WDSUB1: variants seen among roughly 807,000 people sequenced by gnomAD.
WDSUB1 encodes WD repeat, SAM and U-box domain-containing protein 1.
In WDSUB1, 49 loss-of-function variants were observed where a neutral mutation model predicts 53.9. The observed-to-expected ratio is 0.91, with a 90% CI of 0.72 to 1.15. WDSUB1 has a LOEUF of 1.15. WDSUB1 is among the 50% of genes most tolerant of loss of function. The pLI is 0.00. For missense variants in WDSUB1, 514 were observed against 562.0 expected (o/e 0.91, Z 0.86); for synonymous variants, 194 against 200.6 (o/e 0.97, Z 0.28).
chr2:159,263,207 CA>C (rs111407621), intron 5 of WDSUB1, among the ~76,000 whole-genome samples: 5 of 152,236 alleles, frequency 3.3e-5, no homozygotes, highest in African/African-American at 1.2e-4. Flanking sequence ...GTACAATGGC[CA>C]AAAAACTAAT....
chr2:159,272,427 T>A (rs748764986), intron 4 of WDSUB1, among the ~76,000 whole-genome samples: 5 of 152,196 alleles, frequency 3.3e-5, no homozygotes, highest in Non-Finnish European at 7.3e-5. Flanking sequence ...TCCAGAGAGC[T>A]GCACATTGTC....
chr2:159,266,769 G>GT (rs1307772516), intron 5 of WDSUB1, among the ~76,000 whole-genome samples: 3 of 151,892 alleles, frequency 2.0e-5, no homozygotes, highest in Non-Finnish European at 2.9e-5. Context: ...GTTCTCAGGG[G>GT]TTTTTTTGTT....
At chr2:159,271,539 G>C (rs2061443498) in intron 5 of WDSUB1, among the ~76,000 whole-genome samples, 163 bp downstream of exon 5, 1 of 152,112 alleles carries the variant, frequency 6.6e-6, no homozygotes, top group African/African-American at 2.4e-5. Flanking sequence ...ACCAAAAAGG[G>C]GCACTTGCAA....
Position 159,279,887 on chromosome 2 carries a change from A to T in WDSUB1, c.457T>A (p.Phe153Ile). 1 of 1,612,782 alleles carries T rather than the reference A, an allele frequency of 6.2e-7. No individual in the cohort carries two copies. The highest frequency in any genetic ancestry group is 8.5e-7 in the Non-Finnish European group (1 of 1,179,022). Reference protein sequence around the residue: ...AACAFSPNGSFFVTGSSCGDL... With the variant: ...AACAFSPNGSIFVTGSSCGDL... ...CCACATGAGGAGCCAGTGACAAAGA[A>T]GCTTCCATTAGGAGAAAATGCACAT... Residue 153 changes from phenylalanine to isoleucine, a missense_variant, in exon 3 of 11, where the codon TTC becomes ATC. Physicochemically the swap from Phe to Ile is conservative, Grantham distance 21 (BLOSUM62 0). Transcript: ENST00000359774.
chr2:159,249,946 G>C (rs2060910179), intron 9 of WDSUB1, among the ~76,000 whole-genome samples: 1 of 151,386 alleles, frequency 6.6e-6, no homozygotes, highest in South Asian at 2.1e-4. Context: ...AAAAATAGCT[G>C]GATGTGTTGG....
At chr2:159,281,698 G>A (rs577502734) in intron 2 of WDSUB1, among the ~76,000 whole-genome samples, 1 of 152,146 alleles carries the variant, frequency 6.6e-6, no homozygotes, top group African/African-American at 2.4e-5. Context: ...TGGGCCGGGC[G>A]CAGTGGCTCA....
At chr2:159,285,344 G>A (rs1470120069) in intron 1 of WDSUB1, among the ~76,000 whole-genome samples, 1 of 152,078 alleles carries the variant, frequency 6.6e-6, no homozygotes, top group African/African-American at 2.4e-5. Flanking sequence ...GAAAGGGGCA[G>A]GTATAACCTT....
chr2:159,247,491 A>G (rs1373262289), intron 10 of WDSUB1, among the ~76,000 whole-genome samples: 1 of 152,214 alleles, frequency 6.6e-6, no homozygotes, highest in Non-Finnish European at 1.5e-5. Context: ...CAATGATCAC[A>G]AAACTGGAAA....
At chr2:159,267,177 C>A (rs78606927) in intron 5 of WDSUB1, among the ~76,000 whole-genome samples, 6,118 of 152,222 alleles carry the variant, frequency 0.04, 390 homozygotes, top group African/African-American at 0.14. Context: ...GAATTTCCTG[C>A]CTCCTGGAAT....
At chr2:159,264,096 T>C (rs1422612427) in intron 5 of WDSUB1, among the ~76,000 whole-genome samples, 2 of 152,222 alleles carry the variant, frequency 1.3e-5, no homozygotes, top group Admixed American at 6.5e-5. Flanking sequence ...TTTAATATTA[T>C]GCTTGCTAAA....
chr2:159,273,305 TACA>T (rs146295315), intron 4 of WDSUB1, among the ~76,000 whole-genome samples: 1,558 of 152,264 alleles, frequency 0.01, 34 homozygotes, highest in African/African-American at 0.036. Flanking sequence ...AAAACTTCAA[TACA>T]ACAATAATAG....
At chr2:159,281,076 C>T (rs183096431) in intron 2 of WDSUB1, among the ~76,000 whole-genome samples, 204 of 152,258 alleles carry the variant, frequency 1.3e-3, no homozygotes, top group African/African-American at 4.6e-3. Flanking sequence ...ACCCAAAGAC[C>T]TAAGCTTAAA....
At chr2:159,249,857 G>C (rs1302261613) in intron 9 of WDSUB1, among the ~76,000 whole-genome samples, 1 of 147,372 alleles carries the variant, frequency 6.8e-6, no homozygotes. Context: ...CTTGAGGTCA[G>C]AATTTCAAGA....
At chr2:159,252,228 T>C (rs568932354) in intron 9 of WDSUB1, among the ~76,000 whole-genome samples, 3 of 152,162 alleles carry the variant, frequency 2.0e-5, no homozygotes, top group South Asian at 4.1e-4. Context: ...AACACAGCTA[T>C]AGATACATGA....
intron 5 of WDSUB1, among the ~76,000 whole-genome samples, chr2:159,265,739 C>T (rs947149518): frequency 3.9e-5 from 6 of 152,086 alleles, no homozygotes; most frequent in Non-Finnish European, 7.4e-5. Flanking sequence ...GTTTTAACAG[C>T]GGCTGATATA....
intron 10 of WDSUB1, among the ~76,000 whole-genome samples, chr2:159,244,392 A>C (rs2060736588): frequency 6.6e-6 from 1 of 151,990 alleles, no homozygotes; most frequent in Non-Finnish European, 1.5e-5. Context: ...CTGATAAAAA[A>C]AAAAAAAAAG....
At chr2:159,247,815 CCAGA>C (rs149735457) in intron 10 of WDSUB1, among the ~76,000 whole-genome samples, 7,788 of 144,268 alleles carry the variant, frequency 0.054, 372 homozygotes, top group East Asian at 0.24. Context: ...AGTGAAAACT[CCAGA>C]CAAAGTCAAC....
intron 6 of WDSUB1, among the ~76,000 whole-genome samples, chr2:159,259,320 C>T (rs577039018): frequency 1.5e-4 from 23 of 152,280 alleles, no homozygotes; most frequent in Admixed American, 8.5e-4. Context: ...CCACTGCACC[C>T]GGCCACAACT....
intron 4 of WDSUB1, among the ~76,000 whole-genome samples, chr2:159,273,793 T>A (rs1040908133): frequency 6.6e-6 from 1 of 152,210 alleles, no homozygotes; most frequent in Non-Finnish European, 1.5e-5. Flanking sequence ...GTCAACATAT[T>A]TTCCAGTAAA....
Sources: gnomAD v4.1 joint callset for allele counts (sites outside exome capture counted in the v4.1 genomes callset) on GRCh38, gnomAD v4.1.1 for gene constraint, MANE v1.5 for transcripts, NCBI Gene and HGNC (gene_info 2026-07-23, HGNC 2026-07-21) for gene names.